The following PHF21B variants were observed in gnomAD, a reference collection of about 807,000 sequenced individuals.
PHF21B encodes the protein PHD finger protein 21B, also known as PHD finger protein 4.
Under a neutral mutation model 62.2 loss-of-function variants are expected in PHF21B, and 22 were observed. The ratio of observed to expected loss-of-function variants is 0.35; its 90% CI spans 0.25 to 0.51. PHF21B has a LOEUF of 0.51. PHF21B is among the 20% of genes least tolerant of loss of function. The pLI, the probability that PHF21B is intolerant of heterozygous loss-of-function variation, is 0.97. For missense variants in PHF21B, 701 were observed against 707.9 expected (o/e 0.99, Z 0.11); for synonymous variants, 341 against 314.7 (o/e 1.08, Z -0.88).
chr22:44,945,468 G>A (rs920883266), intron 2 of PHF21B, among the ~76,000 whole-genome samples: 1 of 152,166 alleles, frequency 6.6e-6, no homozygotes, highest in African/African-American at 2.4e-5. Flanking sequence ...TGTGCTTTCT[G>A]CAGAATCACC....
Position 44,916,272 on chromosome 22 carries a change from G to T in PHF21B, c.564+8C>A. The stretch of plus-strand genomic sequence containing the variant: ...CACCCTTTCCGGAGCCTGCTGGTGG[G>T]CACTCACCTTGTTGTCAGCACTGAT... On this transcript the variant is annotated splice_region_variant and intron_variant, in intron 4 of 12. Coordinates refer to ENST00000313237, the MANE Select transcript of PHF21B (RefSeq NM_138415.5). 1.2e-6 allele frequency: 2 copies of T among 1,606,656 alleles called. No homozygotes were observed. The highest frequency in any genetic ancestry group is 8.5e-7 in the Non-Finnish European group (1 of 1,178,118).
chr22:44,906,008 A>C (rs6007379), intron 5 of PHF21B, among the ~76,000 whole-genome samples: 35,380 of 152,144 alleles, frequency 0.23, 4,647 homozygotes, highest in African/African-American at 0.34. Context: ...CCGGACCAGC[A>C]GAGAAGCCTG....
chr22:44,884,577 AC>A (rs1428859757), intron 12 of PHF21B, among the ~76,000 whole-genome samples: 1 of 151,790 alleles, frequency 6.6e-6, no homozygotes, highest in Non-Finnish European at 1.5e-5. Flanking sequence ...TATCACCATC[AC>A]TGTGATCAGC....
At chr22:44,910,478 G>A (rs1158780503) in intron 5 of PHF21B, among the ~76,000 whole-genome samples, 1 of 152,166 alleles carries the variant, frequency 6.6e-6, no homozygotes, top group Non-Finnish European at 1.5e-5. Context: ...TATTATGGGA[G>A]GGACCTGGTG....
intron 5 of PHF21B, among the ~76,000 whole-genome samples, chr22:44,908,061 A>T (rs2071281930): frequency 6.6e-6 from 1 of 152,190 alleles, no homozygotes. Context: ...AAATCAGGGA[A>T]GGATGATAAC....
intron 5 of PHF21B, among the ~76,000 whole-genome samples, chr22:44,899,210 A>G (rs1367063057): frequency 6.6e-6 from 1 of 151,834 alleles, no homozygotes; most frequent in Non-Finnish European, 1.5e-5. Flanking sequence ...TTATAAATTA[A>G]CTTTGGGCAT....
At chr22:44,930,935 G>T (rs2071729500) in intron 2 of PHF21B, among the ~76,000 whole-genome samples, 1 of 152,206 alleles carries the variant, frequency 6.6e-6, no homozygotes, top group Non-Finnish European at 1.5e-5. Context: ...CAGGGTGCTG[G>T]TGACAGCCCC....
chr22:44,930,573 G>A (rs1449873971), intron 2 of PHF21B, among the ~76,000 whole-genome samples: 1 of 151,922 alleles, frequency 6.6e-6, no homozygotes, highest in Non-Finnish European at 1.5e-5. Flanking sequence ...GTGGTGGGAG[G>A]GGCAGAGGCA....
At chr22:44,932,219 G>A (rs1169716117) in intron 2 of PHF21B, among the ~76,000 whole-genome samples, 1 of 152,218 alleles carries the variant, frequency 6.6e-6, no homozygotes, top group Non-Finnish European at 1.5e-5. Flanking sequence ...TTGCTGTAAG[G>A]GCTGCCAGGA....
rs561498249 is a variant in PHF21B, at chr22:44,890,251, G to A, written c.1016-469C>T. Among the ~76,000 whole-genome samples the A allele has an allele frequency of 2.6e-5, 4 of 152,274 alleles. No homozygotes were observed. In the South Asian group the frequency reaches 6.2e-4, roughly 24 times the overall value. ...ATAGTGGCAGTGAGCTGCCCGGGGG[G>A]AAGGAAACATCACTCCAAGAACCCC... On this transcript the variant is annotated intron_variant, in intron 8 of 12. Transcript: ENST00000313237.
chr22:45,000,167 A>G (rs761675), intron 2 of PHF21B, among the ~76,000 whole-genome samples: 149,034 of 152,190 alleles, frequency 0.98, 73,055 homozygotes, highest in Non-Finnish European at 1. Context: ...ACTGTAAATC[A>G]CTTTGTCACA....
chr22:44,983,005 A>G (rs1356325711), intron 2 of PHF21B, among the ~76,000 whole-genome samples: 1 of 152,142 alleles, frequency 6.6e-6, no homozygotes, highest in African/African-American at 2.4e-5. Flanking sequence ...GCACTTTGGG[A>G]GACCGAGGTG....
At chr22:44,947,849 C>T (rs2072106413) in intron 2 of PHF21B, among the ~76,000 whole-genome samples, 1 of 152,088 alleles carries the variant, frequency 6.6e-6, no homozygotes, top group African/African-American at 2.4e-5. Context: ...TTTTACTTAT[C>T]CAGATACGAC....
At chr22:44,982,324 A>C (rs2072857800) in intron 2 of PHF21B, among the ~76,000 whole-genome samples, 1 of 152,248 alleles carries the variant, frequency 6.6e-6, no homozygotes, top group South Asian at 2.1e-4. Flanking sequence ...AGAAGAGGAA[A>C]GACGACAAGA....
chr22:44,883,255 T>C lies in PHF21B; in HGVS notation c.1427A>G (p.Gln476Arg). ...TSLLARQRGTQSSLDRLRALL... is the reference protein window; with the variant it reads ...TSLLARQRGTRSSLDRLRALL... ...GGCCCGCAGGCGGTCCAGGGATGAC[T>C]GGGTGCCCCTCTGGCGGGCCAGCAG... The change falls in exon 13 of 13, where the codon CAG becomes CGG. Residue 476 changes from glutamine (Q) to arginine (R), a missense_variant. By Grantham distance (43) the Gln-to-Arg change is conservative. Transcript: ENST00000313237. The C allele has an allele frequency of 1.2e-6, 2 of 1,613,918 alleles. No individual in the cohort carries two copies. Among genetic ancestry groups the C allele is most frequent in the Non-Finnish European group, 8.5e-7 (1 of 1,179,952 alleles).
chr22:45,007,913 G>T (rs376992877), intron 2 of PHF21B, among the ~76,000 whole-genome samples: 38 of 152,156 alleles, frequency 2.5e-4, no homozygotes, highest in African/African-American at 6.0e-4. Flanking sequence ...GGCCCGGAGG[G>T]GGGGGAGCGG....
chr22:44,999,792 C>A lies in PHF21B; in HGVS notation c.120+8753G>T, dbSNP rs1369641063. On this transcript the variant is annotated intron_variant, in intron 2 of 12. Coordinates refer to ENST00000313237, the MANE Select transcript of PHF21B (RefSeq NM_138415.5). ...CACCAGGGGTGTGATCTCAACAAGG[C>A]CCCCAACCTCTCTGGGCCGAGCCAG... is the stretch of plus-strand genomic sequence containing the variant. Among the ~76,000 whole-genome samples, 4 of 152,030 alleles carry A rather than the reference C, an allele frequency of 2.6e-5. No individual in the cohort carries two copies. In the East Asian group the frequency reaches 7.7e-4, roughly 29 times the overall value.
intron 12 of PHF21B, among the ~76,000 whole-genome samples, chr22:44,883,633 A>G (rs1416051454): frequency 1.3e-5 from 2 of 152,058 alleles, no homozygotes; most frequent in South Asian, 2.1e-4. Flanking sequence ...GCAGCCTCGG[A>G]GGCCTTTGGC....
chr22:44,945,714 AT>A (rs1308574643), intron 2 of PHF21B, among the ~76,000 whole-genome samples: 1 of 19,864 alleles, frequency 5.0e-5, no homozygotes, highest in Admixed American at 5.0e-4. Flanking sequence ...TGTTGGCAGA[AT>A]TGGGGGGGGG....
Sources: gnomAD v4.1 joint callset for allele counts (sites outside exome capture counted in the v4.1 genomes callset) on GRCh38, gnomAD v4.1.1 for gene constraint, MANE v1.5 for transcripts, NCBI Gene and HGNC (gene_info 2026-07-23, HGNC 2026-07-21) for gene names.